The following MAGI2 variants were observed in gnomAD, a reference collection of about 807,000 sequenced individuals.
The protein encoded by MAGI2 is membrane associated guanylate kinase, WW and PDZ domain containing 2, also known as membrane-associated guanylate kinase, WW and PDZ domain-containing protein 2.
A neutral mutation model predicts 133.3 loss-of-function variants in MAGI2; 35 were observed. The ratio of observed to expected loss-of-function variants is 0.26; its 90% CI spans 0.20 to 0.35. The LOEUF is 0.35. MAGI2 is among the 10% of genes least tolerant of loss of function. The pLI is 1.00. For missense variants in MAGI2, 1,636 were observed against 1,863.4 expected, an observed-to-expected ratio of 0.88 and a Z score of 2.25; for synonymous variants, 729 against 710.6, an observed-to-expected ratio of 1.03 and a Z score of -0.41.
chr7:78,792,276 G>T (rs1293562393), intron 2 of MAGI2, among the ~76,000 whole-genome samples: 1 of 152,072 alleles, frequency 6.6e-6, no homozygotes, highest in Non-Finnish European at 1.5e-5. Flanking sequence ...TAAACACTTA[G>T]GAAATGTTTG....
intron 20 of MAGI2, among the ~76,000 whole-genome samples, chr7:78,104,950 G>A (rs543254864): frequency 7.3e-5 from 11 of 149,846 alleles, no homozygotes; most frequent in African/African-American, 2.5e-4. Context: ...ATCACTAACC[G>A]CCTTAACAAA....
intron 21 of MAGI2, among the ~76,000 whole-genome samples, chr7:78,034,169 G>T (rs2471614): frequency 0.88 from 133,365 of 152,210 alleles, 58,555 homozygotes; most frequent in East Asian, 0.99. Context: ...TGCTGTGTTT[G>T]AAGTTTAATT....
intron 1 of MAGI2, among the ~76,000 whole-genome samples, chr7:79,404,004 A>G (rs2129165364): frequency 6.6e-6 from 1 of 152,274 alleles, no homozygotes; most frequent in Non-Finnish European, 1.5e-5. Context: ...TAATGGGAAA[A>G]GGCTCTACTT....
chr7:78,259,367 A>G (rs1159771549), intron 9 of MAGI2, among the ~76,000 whole-genome samples: 1 of 152,174 alleles, frequency 6.6e-6, no homozygotes, highest in Non-Finnish European at 1.5e-5. Context: ...AACTTTCCCA[A>G]ACTGGCTTCA....
intron 1 of MAGI2, among the ~76,000 whole-genome samples, chr7:79,264,324 T>A (rs1423560876): frequency 6.6e-6 from 1 of 152,202 alleles, no homozygotes; most frequent in Non-Finnish European, 1.5e-5. Flanking sequence ...GATTGTCAGT[T>A]TAATTCAGTC....
In MAGI2 at chr7:79,407,566, C is replaced by T. The variant is rs183339699; in HGVS notation, c.301+45454G>A. 4.0e-3 allele frequency among the ~76,000 whole-genome samples: 608 copies of T among 152,200 alleles called. 3 individuals are homozygous for T. Among genetic ancestry groups the T allele is most frequent in the Non-Finnish European group, 6.0e-3 (405 of 68,002 alleles). ...GCAAGCCACTTCACATTTCTGGGCT[C>T]AGCTTTCTTATCTGTGTAAGAGGTT... On this transcript the variant is annotated intron_variant, in intron 1 of 21. Coordinates refer to ENST00000354212, the MANE Select transcript of MAGI2 (RefSeq NM_012301.4).
intron 2 of MAGI2, among the ~76,000 whole-genome samples, chr7:78,677,341 T>A (rs552819522): frequency 1.2e-4 from 18 of 151,476 alleles, no homozygotes; most frequent in Non-Finnish European, 2.2e-4. Flanking sequence ...TGGAAGCCTA[T>A]CTTTTTTCTC....
chr7:79,344,224 A>T (rs909655556), intron 1 of MAGI2, among the ~76,000 whole-genome samples: 1 of 152,162 alleles, frequency 6.6e-6, no homozygotes, highest in Non-Finnish European at 1.5e-5. Flanking sequence ...GGTTAAAAAA[A>T]AAAAGGTACA....
intron 3 of MAGI2, among the ~76,000 whole-genome samples, chr7:78,527,086 A>G (rs1401953164): frequency 1.3e-5 from 2 of 151,838 alleles, no homozygotes. Flanking sequence ...TAAAAAGAAT[A>G]GCCCATTGTC....
chr7:78,266,335 G>C (rs1277294861), intron 9 of MAGI2, among the ~76,000 whole-genome samples: 2 of 152,094 alleles, frequency 1.3e-5, no homozygotes, highest in Non-Finnish European at 2.9e-5. Flanking sequence ...CGAGGAGCTG[G>C]GGCTACAGGC....
intron 1 of MAGI2, among the ~76,000 whole-genome samples, chr7:79,103,163 A>G (rs550362917): frequency 6.6e-6 from 1 of 152,338 alleles, no homozygotes; most frequent in South Asian, 2.1e-4. Flanking sequence ...ACAGAAAAAG[A>G]TTTACTTTTT....
intron 2 of MAGI2, among the ~76,000 whole-genome samples, chr7:78,863,973 T>C (rs1794353448): frequency 6.6e-6 from 1 of 152,190 alleles, no homozygotes; most frequent in South Asian, 2.1e-4. Flanking sequence ...GGACCAGGCA[T>C]GGAGGGAAGT....
intron 1 of MAGI2, among the ~76,000 whole-genome samples, chr7:79,384,026 A>G (rs1397688973): frequency 6.6e-6 from 1 of 151,594 alleles, no homozygotes; most frequent in Non-Finnish European, 1.5e-5. Flanking sequence ...CATTCAAAAG[A>G]GTAGCACATG....
intron 7 of MAGI2, among the ~76,000 whole-genome samples, chr7:78,366,155 T>C (rs910840057): frequency 2.0e-5 from 3 of 152,182 alleles, no homozygotes; most frequent in African/African-American, 7.2e-5. Flanking sequence ...TTATCACTAA[T>C]GGCATTAGTA....
At chr7:78,594,114 C>T (rs1042705647) in intron 3 of MAGI2, among the ~76,000 whole-genome samples, 1 of 152,184 alleles carries the variant, frequency 6.6e-6, no homozygotes, top group African/African-American at 2.4e-5. Context: ...CAACCTATAT[C>T]CCACTTCACA....
intron 2 of MAGI2, among the ~76,000 whole-genome samples, chr7:78,832,771 T>G (rs1390699807): frequency 6.6e-6 from 1 of 152,208 alleles, no homozygotes; most frequent in African/African-American, 2.4e-5. Context: ...AATGCCAGGT[T>G]GGACTGCCAG....
intron 9 of MAGI2, among the ~76,000 whole-genome samples, chr7:78,261,854 A>G (rs1360115805): frequency 6.6e-6 from 1 of 152,110 alleles, no homozygotes; most frequent in Non-Finnish European, 1.5e-5. Context: ...AATATTGTAC[A>G]TCTATTCTGA....
chr7:78,645,643 GT>G, intron 2 of MAGI2, among the ~76,000 whole-genome samples: 1 of 78,642 alleles, frequency 1.3e-5, no homozygotes, highest in African/African-American at 5.3e-5. Context: ...TAAGTGTGGT[GT>G]GTGTGTGTGT....
chr7:78,810,486 C>G (rs978259422), intron 2 of MAGI2, among the ~76,000 whole-genome samples: 4 of 152,116 alleles, frequency 2.6e-5, no homozygotes, highest in Non-Finnish European at 5.9e-5. Context: ...TTAATATAAA[C>G]AGAGTCCTCA....
Sources: allele counts gnomAD v4.1 joint callset (sites outside exome capture counted in the v4.1 genomes callset), GRCh38; gene constraint gnomAD v4.1.1; transcripts MANE v1.5; gene names NCBI Gene and HGNC (gene_info 2026-07-23, HGNC 2026-07-21).